CRACR2A: variants seen among roughly 807,000 people sequenced by gnomAD.
The protein encoded by CRACR2A is EF-hand calcium-binding domain-containing protein 4B.
Under a neutral mutation model 90.5 loss-of-function variants are expected in CRACR2A, and 79 were observed. That is an observed-to-expected ratio of 0.87 (90% CI 0.73 to 1.05). The LOEUF (loss-of-function observed/expected upper bound fraction) is 1.05. Among genes scored for constraint, CRACR2A ranks in the 50% least tolerant of loss-of-function variants. CRACR2A has a pLI of 0.00. For synonymous variants in CRACR2A, 338 were observed against 356.7 expected (o/e 0.95, Z 0.59); for missense variants, 823 against 897.2 (o/e 0.92, Z 1.06).
intron 3 of CRACR2A, among the ~76,000 whole-genome samples, chr12:3,705,887 T>G (rs61908574): frequency 0.14 from 20,812 of 152,132 alleles, 1,613 homozygotes; most frequent in Admixed American, 0.22. Flanking sequence ...GTAGGGGGCA[T>G]CCCTAATTTG....
chr12:3,647,269 C>G (rs1400120997), intron 11 of CRACR2A, among the ~76,000 whole-genome samples: 1 of 146,356 alleles, frequency 6.8e-6, no homozygotes, highest in African/African-American at 2.5e-5. Flanking sequence ...TGCCATAAGG[C>G]CTTCCCTCCA....
intron 1 of CRACR2A, among the ~76,000 whole-genome samples, chr12:3,734,950 T>A (rs1368587676): frequency 6.6e-6 from 1 of 152,212 alleles, no homozygotes; most frequent in Non-Finnish European, 1.5e-5. Flanking sequence ...AGATCTAATG[T>A]ACAGCATGAT....
At chr12:3,673,691 G>T in intron 6 of CRACR2A, 99 bp from the exon 7 acceptor site, 1 of 1,435,680 alleles carries the variant, frequency 7.0e-7, no homozygotes, top group Non-Finnish European at 9.4e-7. Flanking sequence ...AAACAGTACC[G>T]TCAGAATCAT....
intron 1 of CRACR2A, among the ~76,000 whole-genome samples, chr12:3,750,001 A>T (rs1946682474): frequency 6.6e-6 from 1 of 151,434 alleles, no homozygotes; most frequent in African/African-American, 2.4e-5. Context: ...CAATGGCGCA[A>T]TCTCAGCTCA....
At chr12:3,659,123 C>T (rs949659729) in intron 8 of CRACR2A, among the ~76,000 whole-genome samples, 5 of 152,172 alleles carry the variant, frequency 3.3e-5, no homozygotes, top group Admixed American at 6.5e-5. Flanking sequence ...GTGAACTGGG[C>T]TGGTGCATTT....
intron 13 of CRACR2A, among the ~76,000 whole-genome samples, chr12:3,639,726 T>C (rs777704964): frequency 2.2e-4 from 33 of 152,196 alleles, no homozygotes; most frequent in Non-Finnish European, 4.6e-4. Flanking sequence ...TAAATTACGA[T>C]ATAGTGCTTG....
chr12:3,703,929 T>C (rs1017203002), intron 3 of CRACR2A, among the ~76,000 whole-genome samples: 1 of 152,238 alleles, frequency 6.6e-6, no homozygotes, highest in Non-Finnish European at 1.5e-5. Flanking sequence ...CTGTACCAAC[T>C]CTTGGCAAAG....
intron 3 of CRACR2A, among the ~76,000 whole-genome samples, chr12:3,698,502 G>A (rs2137712053): frequency 6.6e-6 from 1 of 152,338 alleles, no homozygotes. Context: ...GGCCAGAGCT[G>A]GAAGAGCTCC....
In CRACR2A at chr12:3,627,464, G is replaced by A. The variant is rs1014095342; in HGVS notation, c.1904C>T (p.Ser635Leu). 7 of 1,551,958 alleles carry A rather than the reference G, an allele frequency of 4.5e-6. No homozygotes were observed. The highest frequency in any genetic ancestry group is 5.2e-6 in the Non-Finnish European group (6 of 1,147,062). The part of the protein sequence containing the change: ...YDLTDKQSFL[S>L]VRRWLSSVEE... ...CACGCTGCTCAGCCACCGCCGGACC[G>A]ACAGGAACGACTGCTTGTCTGTGAG... The change falls in exon 17 of 20, where the codon TCG becomes TTG. Residue 635 changes from serine to leucine, a missense_variant. Transcript: ENST00000440314.
intron 2 of CRACR2A, among the ~76,000 whole-genome samples, chr12:3,724,842 T>C (rs563998817): frequency 6.6e-6 from 1 of 152,172 alleles, no homozygotes; most frequent in African/African-American, 2.4e-5. Flanking sequence ...ACCTCACCCT[T>C]CACTGGTTCC....
chr12:3,643,786 TATATTTATATAATATATA>T (rs1944619018), intron 12 of CRACR2A, among the ~76,000 whole-genome samples: 4 of 116,886 alleles, frequency 3.4e-5, no homozygotes, highest in Non-Finnish European at 6.6e-5. Context: ...AGTTTATATA[TATATTTATATAATATATA>T]TTATATATAT....
At chr12:3,736,222 C>T (rs1308316500) in intron 1 of CRACR2A, among the ~76,000 whole-genome samples, 6 of 151,308 alleles carry the variant, frequency 4.0e-5, no homozygotes, top group South Asian at 2.1e-4. Flanking sequence ...TGCACTAAGG[C>T]GGTGGCAGTG....
chr12:3,673,652 A>G (rs1945292177), intron 6 of CRACR2A, 60 bp from the exon 7 acceptor site: 1 of 1,578,644 alleles, frequency 6.3e-7, no homozygotes. Context: ...GGAAATACAG[A>G]GGTTCCCAGA....
intron 4 of CRACR2A, among the ~76,000 whole-genome samples, chr12:3,684,860 T>G (rs1945524786): frequency 6.6e-6 from 1 of 152,166 alleles, no homozygotes; most frequent in African/African-American, 2.4e-5. Flanking sequence ...CCAGGACACA[T>G]GCCCAAAGAA....
intron 10 of CRACR2A, among the ~76,000 whole-genome samples, chr12:3,652,866 T>G (rs1944818961): frequency 2.0e-5 from 3 of 152,218 alleles, no homozygotes; most frequent in Admixed American, 2.0e-4. Context: ...TCTGCAGGCT[T>G]GTTATTCTCT....
rs541629357 is a variant in CRACR2A at position 3,631,864 on chromosome 12, C to T, written c.1735+1740G>A. Among the ~76,000 whole-genome samples the T allele has an allele frequency of 1.8e-4, 28 of 152,174 alleles. 1 individual carries two copies. The highest frequency in any genetic ancestry group is 3.1e-4 in the Non-Finnish European group (21 of 68,036). ...TCCCCAGGCAGGACTCTGGACCACT[C>T]AAAGTTGGTCTTGTAGAACCAGCTT... On this transcript the variant is annotated intron_variant, in intron 15 of 19. Transcript: ENST00000440314.
chr12:3,713,221 T>G lies in CRACR2A; in HGVS notation c.-37+16A>C, dbSNP rs1427994658. ...CTAGTACTCTGCAACCTGTCGCCTT[T>G]TGTTCGCTCACTCACCTTGCAGCTC... On this transcript the variant is annotated intron_variant, in intron 3 of 19. Transcript: ENST00000440314. The G allele has an allele frequency of 1.0e-6, 1 of 985,040 alleles. No homozygotes were observed. The highest frequency in any genetic ancestry group is 1.7e-5 in the African/African-American group (1 of 57,190). The allele number at this position is 985,040 out of a possible 1,614,324, so 61.0% of individuals were successfully genotyped here. A position where few individuals can be genotyped will look rare whatever the true frequency, so the allele number is the denominator to read the frequency against.
chr12:3,659,058 G>C (rs1944973496), intron 8 of CRACR2A, among the ~76,000 whole-genome samples: 1 of 152,200 alleles, frequency 6.6e-6, no homozygotes, highest in Non-Finnish European at 1.5e-5. Flanking sequence ...AAGGGTAAAG[G>C]ATAGGTAGCA....
intron 15 of CRACR2A, among the ~76,000 whole-genome samples, chr12:3,628,046 CCTCTCTCTCTCTTTCCCTCCCTCT>C (rs1944301461): frequency 7.5e-6 from 1 of 133,614 alleles, no homozygotes; most frequent in Admixed American, 7.4e-5. Flanking sequence ...TCTCTCCTTC[CCTCTCTCTCTCTTTCCCTCCCTCT>C]CTCCCTCTCT....
Sources: allele counts gnomAD v4.1 joint callset (sites outside exome capture counted in the v4.1 genomes callset), GRCh38; gene constraint gnomAD v4.1.1; transcripts MANE v1.5; gene names NCBI Gene and HGNC (gene_info 2026-07-23, HGNC 2026-07-21).